Variants in ALMS1 observed in about 807,000 individuals in gnomAD.
ALMS1 encodes centrosome-associated protein ALMS1.
In ALMS1, 271 loss-of-function variants were observed where a neutral mutation model predicts 352.2. That is an observed-to-expected ratio of 0.77 (90% confidence interval 0.70 to 0.85). The LOEUF (loss-of-function observed/expected upper bound fraction) is 0.85. ALMS1 is among the 40% of genes least tolerant of loss of function. The pLI is 0.00. For missense variants in ALMS1, 5,445 were observed against 4,870.7 expected (o/e 1.12, Z -3.51); for synonymous variants, 1,865 against 1,761.2 (o/e 1.06, Z -1.48).
chr2:73,475,393 T>C (rs1303372366), intron 9 of ALMS1, among the ~76,000 whole-genome samples: 2 of 152,112 alleles, frequency 1.3e-5, no homozygotes, highest in Non-Finnish European at 2.9e-5. Context: ...CCAACATTTG[T>C]CATTTTCTGT....
intron 16 of ALMS1, among the ~76,000 whole-genome samples, chr2:73,588,894 A>G (rs1246772740): frequency 6.6e-6 from 1 of 152,190 alleles, no homozygotes; most frequent in African/African-American, 2.4e-5. Context: ...AAGAGAAATT[A>G]CACTCAAAAG....
chr2:73,437,512 C>G (rs190564327), intron 7 of ALMS1, among the ~76,000 whole-genome samples: 154 of 152,310 alleles, frequency 1.0e-3, no homozygotes, highest in Non-Finnish European at 1.8e-3. Context: ...TAGCTAACAT[C>G]AACAGCCAGT....
intron 15 of ALMS1, among the ~76,000 whole-genome samples, chr2:73,569,491 G>C (rs1046532819): frequency 6.6e-6 from 1 of 151,882 alleles, no homozygotes; most frequent in South Asian, 2.1e-4. Context: ...TCAAATTTTT[G>C]CTTTATTCTG....
chr2:73,557,316 A>G lies in ALMS1; in HGVS notation c.10175A>G (p.Gln3392Arg). The change falls in exon 14 of 23, where the codon CAG (glutamine) becomes CGG (arginine). Residue 3392 changes from glutamine (Q) to arginine (R), a missense_variant. Gln to Arg is a conservative substitution (Grantham distance 43, BLOSUM62 1). Coordinates refer to ENST00000613296, the MANE Select transcript of ALMS1 (RefSeq NM_001378454.1). ...ACAAGGGCAGTGACTGAGGCTGCCC[A>G]GGCTAAAGAAAAAGAATCTTTGCAG... ...HSTRAVTEAA[Q>R]AKEKESLQKD... 5 of 1,614,178 alleles carry G rather than the reference A, an allele frequency of 3.1e-6. No individual in the cohort carries two copies. Among genetic ancestry groups the G allele is most frequent in the Non-Finnish European group, 4.2e-6 (5 of 1,180,008 alleles).
At position 73,432,189 on chromosome 2, in the gene ALMS1, C is replaced by A. The variant is rs1346665631; in HGVS notation, c.1339-9C>A. ...TTCATTTTTATTGCCTTCATTTGTT[C>A]CACATAAGCCAACAAGAGAGTCGGA... On this transcript the variant is annotated splice_polypyrimidine_tract_variant and intron_variant, in intron 6 of 22. Coordinates refer to ENST00000613296, the MANE Select transcript of ALMS1 (RefSeq NM_001378454.1). The A allele has an allele frequency of 6.2e-7, 1 of 1,605,574 alleles. No individual in the cohort carries two copies. Among genetic ancestry groups the A allele is most frequent in the South Asian group, 1.1e-5 (1 of 90,848 alleles).
At chr2:73,567,276 C>T (rs1244644376) in intron 15 of ALMS1, among the ~76,000 whole-genome samples, 1 of 152,124 alleles carries the variant, frequency 6.6e-6, no homozygotes, top group Non-Finnish European at 1.5e-5. Context: ...AACTCAAGTG[C>T]AATCAGAAGT....
intron 1 of ALMS1, among the ~76,000 whole-genome samples, chr2:73,406,442 T>G (rs570410461): frequency 6.6e-6 from 1 of 151,628 alleles, no homozygotes; most frequent in Admixed American, 6.5e-5. Flanking sequence ...ATGGGTTTTT[T>G]TTTTTTTTTT....
rs28730852 is a variant in ALMS1, at chr2:73,449,720, T to C, written c.3193T>C (p.Ser1065Pro). Residue 1065 changes from serine (S) to proline (P), a missense_variant, in exon 8 of 23, where the codon TCA (serine) becomes CCA (proline). Coordinates refer to ENST00000613296, the MANE Select transcript of ALMS1 (RefSeq NM_001378454.1). ...KPSVLYPQVL[S>P]DSHLPEESLK... ...TAGTGTTTTGTACCCACAGGTGTTA[T>C]CAGACAGTCATCTACCTGAAGAGAG... The C allele has an allele frequency of 9.8e-4, 1,582 of 1,614,016 alleles. 12 individuals carry two copies. The African/African-American group carries it at 0.018, about 18-fold the overall frequency.
intron 9 of ALMS1, among the ~76,000 whole-genome samples, chr2:73,466,842 A>G (rs1170461008): frequency 6.6e-6 from 1 of 152,134 alleles, no homozygotes; most frequent in Non-Finnish European, 1.5e-5. Flanking sequence ...CTTAAAATAT[A>G]TGACAACAAT....
intron 7 of ALMS1, among the ~76,000 whole-genome samples, chr2:73,445,281 C>T (rs1178803502): frequency 3.3e-5 from 5 of 151,946 alleles, no homozygotes; most frequent in East Asian, 1.9e-4. Context: ...ATTTAAAATG[C>T]GTTATAAATA....
At chr2:73,567,777 T>A (rs1170734772) in intron 15 of ALMS1, among the ~76,000 whole-genome samples, 1 of 152,150 alleles carries the variant, frequency 6.6e-6, no homozygotes, top group Non-Finnish European at 1.5e-5. Context: ...AAAAAAGAGA[T>A]CATAAAAGTT....
At position 73,434,502 on chromosome 2, in the gene ALMS1, C is replaced by T. The variant is rs182610496; in HGVS notation, c.1432+2211C>T. ...TATTGAGGCTCGTTTTATGTTTTAG[C>T]ATGTAGTTTATTCTGTAGAATGTAC... On this transcript the variant is annotated intron_variant, in intron 7 of 22. Coordinates refer to ENST00000613296, the MANE Select transcript of ALMS1 (RefSeq NM_001378454.1). Among the ~76,000 whole-genome samples the T allele has an allele frequency of 1.1e-3, 163 of 152,220 alleles. 4 individuals carry two copies. The Middle Eastern group carries it at 0.027, about 25-fold the overall frequency.
At position 73,448,084 on chromosome 2, in the gene ALMS1, G is replaced by A. The variant is rs764869245; in HGVS notation, c.1557G>A (p.Gln519=). The A allele has an allele frequency of 8.1e-6, 13 of 1,596,292 alleles. No homozygotes were observed. In the African/African-American group the frequency reaches 1.8e-4, roughly 23 times the overall value. ...HLSLSLEDLS[Q]LAVSSPLETT... is the part of the protein sequence containing the mutation. ...CCTTGTCCCTTGAGGACCTGTCTCA[G>A]TTGGCTGTAAGTTCTCCTCTAGAAA... is the stretch of plus-strand genomic sequence containing the variant. Residue 519 remains glutamine (Q), a synonymous_variant, in exon 8 of 23, where the codon CAG becomes CAA. Transcript: ENST00000613296.
At chr2:73,506,764 C>G (rs927986039) in intron 10 of ALMS1, among the ~76,000 whole-genome samples, 5 of 152,114 alleles carry the variant, frequency 3.3e-5, no homozygotes, top group Non-Finnish European at 5.9e-5. Flanking sequence ...ATTTGAATAC[C>G]CTTTATTTCT....
intron 12 of ALMS1, among the ~76,000 whole-genome samples, chr2:73,544,676 T>C (rs1449842828): frequency 6.6e-6 from 1 of 152,158 alleles, no homozygotes; most frequent in Non-Finnish European, 1.5e-5. Flanking sequence ...CATAGAATTA[T>C]AGTATGATCC....
At chr2:73,581,635 G>A (rs557152011) in intron 16 of ALMS1, among the ~76,000 whole-genome samples, 22 of 152,170 alleles carry the variant, frequency 1.4e-4, no homozygotes, top group Non-Finnish European at 2.8e-4. Context: ...GGTGTTTCTA[G>A]AGAAGGCACT....
At chr2:73,405,771 T>C (rs553780365) in intron 1 of ALMS1, among the ~76,000 whole-genome samples, 37 of 152,328 alleles carry the variant, frequency 2.4e-4, no homozygotes, top group Admixed American at 8.5e-4. Context: ...GCTTTAATTT[T>C]TGTCTTAATG....
In ALMS1 at chr2:73,579,367, T is replaced by C. The variant is rs78458194; in HGVS notation, c.11547+5943T>C. 5.8e-4 allele frequency among the ~76,000 whole-genome samples: 87 copies of C among 151,276 alleles called. No homozygotes were observed. The East Asian group carries it at 0.016, about 27-fold the overall frequency. On this transcript the variant is annotated intron_variant, in intron 16 of 22. Coordinates refer to ENST00000613296, the MANE Select transcript of ALMS1 (RefSeq NM_001378454.1). ...GAGCCACTGTACCTGGCCTTCTTTT[T>C]TTTTTCTTTTTAAGATGGAGTCTCA...
chr2:73,499,294 G>T (rs942417634), intron 10 of ALMS1, among the ~76,000 whole-genome samples: 1 of 152,110 alleles, frequency 6.6e-6, no homozygotes, highest in Non-Finnish European at 1.5e-5. Flanking sequence ...CTTCCATTCT[G>T]TAGGTTGTCT....
Sources: allele counts gnomAD v4.1 joint callset (sites outside exome capture counted in the v4.1 genomes callset), GRCh38; gene constraint gnomAD v4.1.1; transcripts MANE v1.5; gene names NCBI Gene and HGNC (gene_info 2026-07-23, HGNC 2026-07-21).